The following PDE7B variants were observed in gnomAD, a reference collection of about 807,000 sequenced individuals.
PDE7B encodes 3',5'-cyclic-AMP phosphodiesterase 7B.
In PDE7B, 29 loss-of-function variants were observed where a neutral mutation model predicts 56.2. The observed-to-expected ratio is 0.52, with a 90% CI of 0.38 to 0.70. PDE7B has a LOEUF of 0.70. Ranked by LOEUF, PDE7B falls within the 30% of genes least tolerant of loss-of-function variation. The pLI is 0.00. For synonymous variants in PDE7B, 197 were observed against 196.9 expected (o/e 1.00, Z 0.00); for missense variants, 490 against 565.0 (o/e 0.87, Z 1.35).
At chr6:136,156,162 AGTGT>A (rs10625572) in intron 8 of PDE7B, 2,993 of 251,426 alleles carry the variant, frequency 0.012, 11 homozygotes, top group East Asian at 0.019. Context: ...GAATGATCCA[AGTGT>A]GTGTGTGTGT....
intron 2 of PDE7B, among the ~76,000 whole-genome samples, chr6:136,016,757 T>G (rs1775985211): frequency 6.6e-6 from 1 of 152,094 alleles, no homozygotes; most frequent in African/African-American, 2.4e-5. Flanking sequence ...CAGAAGGACT[T>G]CTGGGAGAAA....
At chr6:136,082,481 A>G (rs1365469620) in intron 2 of PDE7B, among the ~76,000 whole-genome samples, 3 of 152,206 alleles carry the variant, frequency 2.0e-5, no homozygotes, top group Non-Finnish European at 4.4e-5. Flanking sequence ...AAATATTAAC[A>G]GACATGGGAA....
At position 135,866,099 on chromosome 6, in the gene PDE7B, A is replaced by T. The variant is rs142101423; in HGVS notation, c.21+14080A>T. Among the ~76,000 whole-genome samples, 476 of 152,298 alleles carry T rather than the reference A, an allele frequency of 3.1e-3. 2 individuals carry two copies. Among genetic ancestry groups the T allele is most frequent in the South Asian group, 0.018 (85 of 4,830 alleles). On this transcript the variant is annotated intron_variant, in intron 1 of 12. Transcript: ENST00000308191. ...TTAATCATTAACTTTAAAAAACAAA[A>T]GTAGAACACACATTAGAAAATTCCA...
Position 136,072,319 on chromosome 6 carries a change from C to T in PDE7B, c.83-36412C>T, listed in dbSNP as rs550816733. 7.2e-5 allele frequency among the ~76,000 whole-genome samples: 11 copies of T among 152,202 alleles called. No homozygotes were observed. In the South Asian group the frequency reaches 2.1e-3, roughly 29 times the overall value. The stretch of plus-strand genomic sequence containing the variant: ...GGGAGAGGAAATGGTGGGAGAGGGG[C>T]ACCTGGTTAGATAGCTCATGGCATA... On this transcript the variant is annotated intron_variant, in intron 2 of 12. Coordinates refer to ENST00000308191, the MANE Select transcript of PDE7B (RefSeq NM_018945.4).
At chr6:136,081,215 T>G (rs117173463) in intron 2 of PDE7B, among the ~76,000 whole-genome samples, 13 of 151,978 alleles carry the variant, frequency 8.6e-5, no homozygotes, top group Non-Finnish European at 1.8e-4. Context: ...TTTTGGGAGA[T>G]GGACTGAAAG....
chr6:136,108,373 T>G (rs780315077), intron 2 of PDE7B, among the ~76,000 whole-genome samples: 10 of 152,166 alleles, frequency 6.6e-5, no homozygotes, highest in Non-Finnish European at 1.0e-4. Context: ...TTAACACTTT[T>G]AAGAACGAAA....
chr6:135,910,283 G>C (rs1184903760), intron 1 of PDE7B, among the ~76,000 whole-genome samples: 1 of 152,156 alleles, frequency 6.6e-6, no homozygotes, highest in East Asian at 1.9e-4. Context: ...AGATGGTGTT[G>C]GGACAATCTT....
intron 1 of PDE7B, among the ~76,000 whole-genome samples, chr6:135,904,239 A>G (rs1776056896): frequency 6.6e-6 from 1 of 152,248 alleles, no homozygotes; most frequent in Admixed American, 6.5e-5. Context: ...GTGGCAAGTC[A>G]GAATAAGTAA....
Position 136,179,041 on chromosome 6 carries a change from A to G in PDE7B, c.848A>G (p.Asp283Gly). ...CTGGGCTCCTTGATCTTGGCAACAGACATCAACAGGCAGAATGAATTTTTG... is the reference window on the plus strand; with the variant it reads ...CTGGGCTCCTTGATCTTGGCAACAGGCATCAACAGGCAGAATGAATTTTTG... ...QQLGSLILAT[D>G]INRQNEFLTR... is the part of the protein sequence containing the mutation. The change falls in exon 10 of 13, where the codon GAC becomes GGC. Residue 283 changes from aspartate to glycine, a missense_variant. Coordinates refer to ENST00000308191, the MANE Select transcript of PDE7B (RefSeq NM_018945.4). 1 of 1,614,116 alleles carries G rather than the reference A, an allele frequency of 6.2e-7. No individual in the cohort carries two copies. Among genetic ancestry groups the G allele is most frequent in the Non-Finnish European group, 8.5e-7 (1 of 1,179,904 alleles).
intron 1 of PDE7B, among the ~76,000 whole-genome samples, chr6:135,878,589 A>G (rs1205658366): frequency 6.6e-6 from 1 of 152,198 alleles, no homozygotes. Flanking sequence ...ATGCTTGTAT[A>G]TCTTTGGTAT....
intron 1 of PDE7B, among the ~76,000 whole-genome samples, chr6:135,947,146 C>T (rs1198839399): frequency 6.6e-6 from 1 of 151,996 alleles, no homozygotes; most frequent in African/African-American, 2.4e-5. Flanking sequence ...GATTATTGGG[C>T]CTAATAGATT....
rs1178464513 is a variant in PDE7B at position 135,885,544 on chromosome 6, AAG to A, written c.21+33530_21+33531del. Among the ~76,000 whole-genome samples, 4 of 152,222 alleles carry A rather than the reference AAG, an allele frequency of 2.6e-5. No individual in the cohort carries two copies. The East Asian group carries it at 5.8e-4, about 22-fold the overall frequency. On this transcript the variant is annotated intron_variant, in intron 1 of 12. Coordinates refer to ENST00000308191, the MANE Select transcript of PDE7B (RefSeq NM_018945.4). Reference sequence around the variant, plus strand: ...AATCTTTGTAAATGTTCAGAAAAATAAGAGAGTCCTTTGGAGAAGCAATGTCT... The same window carrying A: ...AATCTTTGTAAATGTTCAGAAAAATAAGAGTCCTTTGGAGAAGCAATGTCT...
intron 8 of PDE7B, among the ~76,000 whole-genome samples, chr6:136,158,878 G>A (rs1232356143): frequency 6.6e-6 from 1 of 152,146 alleles, no homozygotes; most frequent in Non-Finnish European, 1.5e-5. Context: ...TTAATGGTGG[G>A]CTTAGCAACT....
intron 1 of PDE7B, among the ~76,000 whole-genome samples, chr6:135,944,153 T>G (rs1207046608): frequency 6.6e-6 from 1 of 152,150 alleles, no homozygotes; most frequent in African/African-American, 2.4e-5. Flanking sequence ...AGCAGGGTGC[T>G]TGCATGGGGA....
intron 2 of PDE7B, among the ~76,000 whole-genome samples, chr6:135,979,388 T>C (rs1460421082): frequency 2.0e-5 from 3 of 151,848 alleles, no homozygotes; most frequent in Non-Finnish European, 4.4e-5. Flanking sequence ...GATGCTGGCC[T>C]CATAAAATGA....
At chr6:135,942,217 A>T (rs567388248) in intron 1 of PDE7B, among the ~76,000 whole-genome samples, 1 of 152,192 alleles carries the variant, frequency 6.6e-6, no homozygotes, top group Non-Finnish European at 1.5e-5. Flanking sequence ...ACGTATGGTG[A>T]AAGTGATGAT....
At chr6:135,956,303 G>A (rs1011159682) in intron 2 of PDE7B, among the ~76,000 whole-genome samples, 2 of 152,172 alleles carry the variant, frequency 1.3e-5, no homozygotes, top group African/African-American at 4.8e-5. Flanking sequence ...AGTTTCAAAA[G>A]GTGGGGCATA....
At chr6:135,864,976 G>A (rs1197352505) in intron 1 of PDE7B, among the ~76,000 whole-genome samples, 1 of 128,112 alleles carries the variant, frequency 7.8e-6, no homozygotes, top group African/African-American at 3.0e-5. Context: ...GGTGTGTGAT[G>A]TCCCCCTCCT....
intron 2 of PDE7B, among the ~76,000 whole-genome samples, chr6:136,027,023 A>G (rs762745924): frequency 1.3e-5 from 2 of 152,190 alleles, no homozygotes; most frequent in Non-Finnish European, 2.9e-5. Context: ...AGAAAGAGAC[A>G]CCAGAGAGCT....
Sources: gnomAD v4.1 joint callset for allele counts (sites outside exome capture counted in the v4.1 genomes callset) on GRCh38, gnomAD v4.1.1 for gene constraint, MANE v1.5 for transcripts, NCBI Gene and HGNC (gene_info 2026-07-23, HGNC 2026-07-21) for gene names.